SLC25A48: variants seen among roughly 807,000 people sequenced by gnomAD.
SLC25A48 encodes the protein CTC-321K16.1.
A neutral mutation model predicts 32.2 loss-of-function variants in SLC25A48; 29 were observed. That is an observed-to-expected ratio of 0.90 (90% CI 0.67 to 1.23). SLC25A48 has a LOEUF of 1.23. Among genes scored for constraint, SLC25A48 ranks in the 50% most tolerant of loss-of-function variants. The pLI is 0.00. For synonymous variants in SLC25A48, 164 were observed against 172.3 expected (o/e 0.95, Z 0.38); for missense variants, 399 against 422.7 (o/e 0.94, Z 0.49).
intron 3 of SLC25A48, among the ~76,000 whole-genome samples, chr5:135,800,915 C>T (rs1445690274): frequency 6.6e-6 from 1 of 151,316 alleles, no homozygotes; most frequent in Non-Finnish European, 1.5e-5. Context: ...GTGTACACCC[C>T]TCTGTGATAT....
At chr5:135,607,423 C>T (rs1274555052) in intron 1 of SLC25A48, among the ~76,000 whole-genome samples, 1 of 152,202 alleles carries the variant, frequency 6.6e-6, no homozygotes, top group Non-Finnish European at 1.5e-5. Context: ...CATCTTCCTA[C>T]TCATGGAATT....
intron 3 of SLC25A48, among the ~76,000 whole-genome samples, chr5:135,718,738 A>T (rs1457144186): frequency 1.3e-5 from 2 of 152,238 alleles, no homozygotes; most frequent in African/African-American, 4.8e-5. Context: ...TGCCTGAAGA[A>T]AAACCAATCC....
chr5:135,830,473 T>C (rs59014327), upstream of SLC25A48, among the ~76,000 whole-genome samples: 28,843 of 152,148 alleles, frequency 0.19, 2,907 homozygotes, highest in Middle Eastern at 0.25. Flanking sequence ...GCAGCCCAGC[T>C]TTCCCGCCAG....
intron 3 of SLC25A48, among the ~76,000 whole-genome samples, chr5:135,756,118 A>G (rs900761196): frequency 6.6e-6 from 1 of 152,096 alleles, no homozygotes; most frequent in African/African-American, 2.4e-5. Context: ...GGTATTAATG[A>G]AATATTGCTG....
chr5:135,790,922 G>A (rs148523340), intron 3 of SLC25A48, among the ~76,000 whole-genome samples: 3,333 of 129,888 alleles, frequency 0.026, 53 homozygotes, highest in Non-Finnish European at 0.035. Flanking sequence ...GGTGTTCGGG[G>A]GATGTTGCTC....
Position 135,726,063 on chromosome 5 carries a change from T to C in SLC25A48, c.-520-86460T>C, listed in dbSNP as rs140615972. Among the ~76,000 whole-genome samples, 91 of 152,324 alleles carry C rather than the reference T, an allele frequency of 6.0e-4. 1 individual carries two copies. The highest frequency in any genetic ancestry group is 2.1e-3 in the African/African-American group (89 of 41,568). ...TCCCCGTGAAGAGACAGTGTAACTGTTGTGGGGTTGATCCAGGTGTGCACC... is the reference window on the plus strand; with the variant it reads ...TCCCCGTGAAGAGACAGTGTAACTGCTGTGGGGTTGATCCAGGTGTGCACC... On this transcript the variant is annotated intron_variant, in intron 3 of 10. Transcript: ENST00000646290.
intron 7 of SLC25A48, among the ~76,000 whole-genome samples, chr5:135,886,638 A>AT (rs1169881576): frequency 2.4e-4 from 7 of 29,018 alleles, no homozygotes; most frequent in East Asian, 1.9e-3. Context: ...TATATATATA[A>AT]AATATATATA....
intron 1 of SLC25A48, among the ~76,000 whole-genome samples, chr5:135,603,063 G>A (rs114609890): frequency 1.7e-3 from 252 of 152,304 alleles, no homozygotes; most frequent in Non-Finnish European, 3.1e-3. Flanking sequence ...TGCGCACGTC[G>A]GTTCCTTTGG....
At chr5:135,836,815 C>A (rs923929172) in intron 1 of SLC25A48, among the ~76,000 whole-genome samples, 3 of 152,298 alleles carry the variant, frequency 2.0e-5, no homozygotes, top group African/African-American at 7.2e-5. Context: ...GAGAAATTCA[C>A]TGACTTGCCT....
intron 3 of SLC25A48, among the ~76,000 whole-genome samples, chr5:135,755,201 A>G (rs1755867296): frequency 1.3e-5 from 2 of 152,086 alleles, no homozygotes; most frequent in Admixed American, 6.6e-5. Flanking sequence ...GATATTGATA[A>G]TATCCAGTTA....
rs942725888 is a variant in SLC25A48 at position 135,730,443 on chromosome 5, T to C, written c.-520-82080T>C. 1.2e-4 allele frequency among the ~76,000 whole-genome samples: 19 copies of C among 152,228 alleles called. 2 individuals carry two copies. Among genetic ancestry groups the C allele is most frequent in the Admixed American group, 1.2e-3 (18 of 15,284 alleles). On this transcript the variant is annotated intron_variant, in intron 3 of 10. Coordinates refer to the SLC25A48 transcript ENST00000646290. ...CACTTAGGATGTGACTTGTTCCTCC[T>C]TGCCTTCTGCCATGATTGTGAAGAT...
chr5:135,723,370 T>TCACA lies in SLC25A48; in HGVS notation c.-521+88415_-521+88416insACAC, dbSNP rs1276301473. Among the ~76,000 whole-genome samples the TCACA allele has an allele frequency of 1.0e-3, 55 of 54,950 alleles. 1 individual carries two copies. The highest frequency in any genetic ancestry group is 8.8e-4 in the Non-Finnish European group (17 of 19,306). 36.0% of individuals were successfully genotyped at this position (54,950 alleles called of 152,430 possible). A position where few individuals can be genotyped will look rare whatever the true frequency, so the allele number is the denominator to read the frequency against. On this transcript the variant is annotated intron_variant, in intron 3 of 10. Transcript: ENST00000646290. Reference sequence around the variant, plus strand: ...AAGGGAGTCTGTCTCTCACTCTCTCTCTCTCTCTCTCACACACACACACAC... The same window carrying TCACA: ...AAGGGAGTCTGTCTCTCACTCTCTCTCACACTCTCTCTCTCACACACACACACAC...
intron 7 of SLC25A48, among the ~76,000 whole-genome samples, chr5:135,880,933 C>G (rs889071168): frequency 2.0e-5 from 3 of 152,060 alleles, no homozygotes; most frequent in Non-Finnish European, 4.4e-5. Context: ...TTCTGCAGAC[C>G]ATCCCCCACC....
chr5:135,638,905 A>G (rs1029137779), intron 3 of SLC25A48, among the ~76,000 whole-genome samples: 4 of 152,228 alleles, frequency 2.6e-5, no homozygotes, highest in Non-Finnish European at 5.9e-5. Flanking sequence ...TATGTTCTCA[A>G]AAAAACCCAG....
intron 3 of SLC25A48, among the ~76,000 whole-genome samples, chr5:135,762,818 G>T (rs951776636): frequency 4.4e-5 from 6 of 137,170 alleles, no homozygotes; most frequent in African/African-American, 1.4e-4. Flanking sequence ...GTATAAATGT[G>T]AGTGTGGATG....
chr5:135,722,764 C>A (rs1448929063), intron 3 of SLC25A48, among the ~76,000 whole-genome samples: 1 of 152,240 alleles, frequency 6.6e-6, no homozygotes, highest in Non-Finnish European at 1.5e-5. Context: ...CATCATTGTC[C>A]GGACAGTTAG....
At chr5:135,837,357 A>G (rs977438117) in intron 1 of SLC25A48, among the ~76,000 whole-genome samples, 2 of 152,284 alleles carry the variant, frequency 1.3e-5, no homozygotes, top group African/African-American at 2.4e-5. Context: ...CTTTGTCCCT[A>G]TAAATATCTA....
chr5:135,747,005 T>TTG (rs1426984709), intron 3 of SLC25A48, among the ~76,000 whole-genome samples: 1 of 151,808 alleles, frequency 6.6e-6, no homozygotes, highest in Non-Finnish European at 1.5e-5. Flanking sequence ...TTGTTGTTTT[T>TTG]TTTTCCTGCA....
chr5:135,805,439 TG>T (rs2126646544), intron 3 of SLC25A48, among the ~76,000 whole-genome samples: 1 of 151,630 alleles, frequency 6.6e-6, no homozygotes, highest in African/African-American at 2.4e-5. Context: ...AACATCACAG[TG>T]GGTATACACG....
Sources: allele counts gnomAD v4.1 joint callset (sites outside exome capture counted in the v4.1 genomes callset), GRCh38; gene constraint gnomAD v4.1.1; transcripts MANE v1.5; gene names NCBI Gene and HGNC (gene_info 2026-07-23, HGNC 2026-07-21).